RPAP2: variants seen among roughly 807,000 people sequenced by gnomAD.
The protein encoded by RPAP2 is putative RNA polymerase II subunit B1 CTD phosphatase RPAP2.
RPAP2 carries 52 observed loss-of-function variants against 73.1 expected under a neutral mutation model. The observed-to-expected ratio is 0.71, with a 90% CI of 0.57 to 0.90. The LOEUF is 0.90. Among genes scored for constraint, RPAP2 ranks in the 40% least tolerant of loss-of-function variants. The probability of loss-of-function intolerance (pLI) is 0.00; values close to 1 mark genes in which losing one functional copy is unlikely to be tolerated. For missense variants in RPAP2, 598 were observed against 701.8 expected (o/e 0.85, Z 1.67); for synonymous variants, 225 against 242.1 (o/e 0.93, Z 0.65).
chr1:92,347,524 T>G (rs1368306315), intron 11 of RPAP2, among the ~76,000 whole-genome samples: 1 of 152,210 alleles, frequency 6.6e-6, no homozygotes, highest in African/African-American at 2.4e-5. Flanking sequence ...ATTATCATCA[T>G]GAGCACTGCT....
chr1:92,378,229 G>C (rs1311139652), intron 11 of RPAP2, among the ~76,000 whole-genome samples: 1 of 151,712 alleles, frequency 6.6e-6, no homozygotes. Context: ...TTTTGAGATG[G>C]AGTCTCACTC....
At position 92,323,890 on chromosome 1, in the gene RPAP2, A is replaced by G; in HGVS notation, c.970A>G (p.Ile324Val). The G allele has an allele frequency of 1.9e-6, 3 of 1,614,172 alleles. No homozygotes were observed. Among genetic ancestry groups the G allele is most frequent in the Non-Finnish European group, 2.5e-6 (3 of 1,179,998 alleles). Residue 324 changes from isoleucine (I) to valine (V), a missense_variant, in exon 8 of 13, where the codon ATA becomes GTA. Coordinates refer to ENST00000610020, the MANE Select transcript of RPAP2 (RefSeq NM_024813.3). ...NSESEYSRSE[I>V]TLVGISKKSA... ...TGAAAGTGAATACAGTAGGTCAGAA[A>G]TAACTCTAGTAGGCATAAGTAAGAA...
intron 11 of RPAP2, among the ~76,000 whole-genome samples, chr1:92,352,373 C>T (rs1312394779): frequency 1.3e-5 from 2 of 152,202 alleles, no homozygotes; most frequent in Non-Finnish European, 2.9e-5. Flanking sequence ...CAGATAGATA[C>T]TCTGGAGAGT....
At position 92,401,497 on chromosome 1, in the gene RPAP2, T is replaced by C. The variant is rs1245452438; in HGVS notation, c.*14486T>C. The C allele has an allele frequency of 2.0e-5, 3 of 152,228 alleles. No individual in the cohort carries two copies. The highest frequency in any genetic ancestry group is 4.4e-5 in the Non-Finnish European group (3 of 68,042). The allele number at this position is 152,228 out of a possible 1,614,324, so 9.4% of individuals were successfully genotyped here. A position where few individuals can be genotyped will look rare whatever the true frequency, so the allele number is the denominator to read the frequency against. On this transcript the variant is annotated 3_prime_UTR_variant, in exon 13 of 13. Coordinates refer to ENST00000610020, the MANE Select transcript of RPAP2 (RefSeq NM_024813.3). Reference sequence around the variant, plus strand: ...TCATGTCATCAGCAAATAAAGATTATTGTACTTGTTCTTTGCCAACCCATA... The same window carrying C: ...TCATGTCATCAGCAAATAAAGATTACTGTACTTGTTCTTTGCCAACCCATA...
chr1:92,304,197 TATG>T (rs1405078154), intron 4 of RPAP2, 84 bp from the exon 5 acceptor site: 2 of 1,113,612 alleles, frequency 1.8e-6, no homozygotes, highest in Non-Finnish European at 2.7e-6. Flanking sequence ...TGGCCAATGA[TATG>T]ATATGTAGAT....
At chr1:92,320,934 A>G (rs1185580050) in intron 7 of RPAP2, among the ~76,000 whole-genome samples, 1 of 152,264 alleles carries the variant, frequency 6.6e-6, no homozygotes, top group Non-Finnish European at 1.5e-5. Flanking sequence ...TTTGTCAACT[A>G]GATTGTGCCT....
In RPAP2 at chr1:92,336,380, A is replaced by G. The variant is rs763837985; in HGVS notation, c.1572A>G (p.Thr524=). 1.9e-6 allele frequency: 3 copies of G among 1,611,136 alleles called. No individual in the cohort carries two copies. The highest frequency in any genetic ancestry group is 2.2e-5 in the South Asian group (2 of 90,526). ...GGCTTCTGGTTCCTCTTCAGATTAC[A>G]TTGGGAGATATTTACACACAACTTA... ...LPGLLVPLQI[T]LGDIYTQLKN... Residue 524 remains threonine (T), a synonymous_variant, in exon 10 of 13, where the codon ACA becomes ACG. Transcript: ENST00000610020.
Position 92,395,740 on chromosome 1 carries a change from T to TA in RPAP2, c.*8732dup, listed in dbSNP as rs2101472800. ...ATAGAGGACTTGTATCTAGACTATG[T>TA]AAAGAATTCTTAAAACTCAAAAATA... On this transcript the variant is annotated 3_prime_UTR_variant, in exon 13 of 13. Transcript: ENST00000610020. The TA allele has an allele frequency of 6.6e-6, 1 of 151,924 alleles. No individual in the cohort carries two copies. Among genetic ancestry groups the TA allele is most frequent in the South Asian group, 2.1e-4 (1 of 4,804 alleles). The allele number at this position is 151,924 out of a possible 1,614,324, so 9.4% of individuals were successfully genotyped here. A position where few individuals can be genotyped will look rare whatever the true frequency, so the allele number is the denominator to read the frequency against.
intron 8 of RPAP2, among the ~76,000 whole-genome samples, chr1:92,326,615 C>G (rs1652644155): frequency 6.6e-6 from 1 of 152,104 alleles, no homozygotes; most frequent in South Asian, 2.1e-4. Context: ...CTCAAGACTC[C>G]TTGGGCAGGG....
intron 6 of RPAP2, among the ~76,000 whole-genome samples, chr1:92,314,774 G>T (rs1557595234): frequency 6.9e-6 from 1 of 145,410 alleles, no homozygotes; most frequent in Non-Finnish European, 1.5e-5. Flanking sequence ...GCTGGGTGTG[G>T]TGGCTCACAC....
intron 12 of RPAP2, among the ~76,000 whole-genome samples, chr1:92,382,130 T>C (rs1179640460): frequency 3.3e-5 from 5 of 152,150 alleles, no homozygotes; most frequent in Non-Finnish European, 7.4e-5. Context: ...TAGTATTCCA[T>C]GGTGTATATG....
chr1:92,372,362 G>A (rs1357190589), intron 11 of RPAP2, among the ~76,000 whole-genome samples: 3 of 152,204 alleles, frequency 2.0e-5, no homozygotes, highest in African/African-American at 7.2e-5. Context: ...TAACGCCTAA[G>A]CCTGCTCAGT....
At chr1:92,332,953 C>T (rs746221697) in intron 8 of RPAP2, among the ~76,000 whole-genome samples, 51 of 152,034 alleles carry the variant, frequency 3.4e-4, no homozygotes, top group Non-Finnish European at 6.0e-4. Context: ...TTTCAGTTCT[C>T]AGAGAGAGAG....
chr1:92,362,224 T>A (rs1285219771), intron 11 of RPAP2, among the ~76,000 whole-genome samples: 1 of 152,236 alleles, frequency 6.6e-6, no homozygotes, highest in East Asian at 1.9e-4. Flanking sequence ...CCTCTGTTGT[T>A]AAACACTTCC....
chr1:92,360,352 T>C (rs928320522), intron 11 of RPAP2, among the ~76,000 whole-genome samples: 3 of 152,182 alleles, frequency 2.0e-5, no homozygotes, highest in African/African-American at 4.8e-5. Context: ...GGAGACCAGA[T>C]TGCAAAGGCT....
intron 11 of RPAP2, among the ~76,000 whole-genome samples, chr1:92,371,319 A>AATATAT (rs1553155688): frequency 8.1e-5 from 5 of 61,728 alleles, no homozygotes; most frequent in African/African-American, 2.9e-4. Context: ...AAAAAAAAAA[A>AATATAT]ATATATATAT....
intron 11 of RPAP2, among the ~76,000 whole-genome samples, chr1:92,360,442 A>G (rs1654680316): frequency 1.3e-5 from 2 of 152,176 alleles, no homozygotes; most frequent in African/African-American, 4.8e-5. Flanking sequence ...GCAAAAGCAG[A>G]AAGGAGAGGG....
In RPAP2 at chr1:92,323,568, C is replaced by T; in HGVS notation, c.648C>T (p.Ser216=). ...CTTCTAGCACTCACAGTGATAGTAG[C>T]AGTGACAATGAGCAAGACTTTGTTT... The part of the protein sequence containing the change: ...SSSSSTHSDS[S]SDNEQDFVSS... The change falls in exon 8 of 13, where the codon AGC becomes AGT. Residue 216 remains serine, a synonymous_variant. Transcript: ENST00000610020. 1 of 1,613,936 alleles carries T rather than the reference C, an allele frequency of 6.2e-7. No individual in the cohort carries two copies. The highest frequency in any genetic ancestry group is 1.3e-5 in the African/African-American group (1 of 75,036).
intron 11 of RPAP2, among the ~76,000 whole-genome samples, chr1:92,362,692 T>A (rs1456993179): frequency 1.3e-5 from 2 of 152,192 alleles, no homozygotes; most frequent in Non-Finnish European, 2.9e-5. Context: ...AGTAATTGAA[T>A]CTCCAGGACT....
Sources: allele counts gnomAD v4.1 joint callset (sites outside exome capture counted in the v4.1 genomes callset), GRCh38; gene constraint gnomAD v4.1.1; transcripts MANE v1.5; gene names NCBI Gene and HGNC (gene_info 2026-07-23, HGNC 2026-07-21).